FKTN: variants seen among roughly 807,000 people sequenced by gnomAD.
FKTN encodes fukutin.
A neutral mutation model predicts 58.6 loss-of-function variants in FKTN; 47 were observed. That is an observed-to-expected ratio of 0.80 (90% CI 0.63 to 1.02). The LOEUF (loss-of-function observed/expected upper bound fraction) is 1.02. FKTN is among the 50% of genes least tolerant of loss of function. The pLI, the probability that FKTN is intolerant of heterozygous loss-of-function variation, is 0.00. For synonymous variants in FKTN, 178 were observed against 191.9 expected, an observed-to-expected ratio of 0.93 and a Z score of 0.60; for missense variants, 516 against 537.3, an observed-to-expected ratio of 0.96 and a Z score of 0.39.
intron 3 of FKTN, among the ~76,000 whole-genome samples, chr9:105,587,912 CTG>C (rs1360036285): frequency 2.0e-5 from 3 of 152,098 alleles, no homozygotes; most frequent in African/African-American, 7.2e-5. Context: ...AAGAGAAACA[CTG>C]AGAGGCAGAA....
intron 3 of FKTN, among the ~76,000 whole-genome samples, chr9:105,576,416 T>G (rs1490716553): frequency 6.6e-6 from 1 of 151,606 alleles, no homozygotes; most frequent in Non-Finnish European, 1.5e-5. Context: ...GAATATGCGG[T>G]GTTTGGTTTT....
chr9:105,594,025 A>T (rs977221259), intron 3 of FKTN, among the ~76,000 whole-genome samples: 2 of 152,164 alleles, frequency 1.3e-5, no homozygotes, highest in African/African-American at 4.8e-5. Context: ...TGTTTTAATT[A>T]TTAGTGTTTT....
intron 3 of FKTN, among the ~76,000 whole-genome samples, chr9:105,585,799 G>C (rs1053431583): frequency 7.2e-5 from 11 of 152,198 alleles, no homozygotes; most frequent in African/African-American, 2.4e-4. Flanking sequence ...TTAAATGTTT[G>C]ATTTGGTAGC....
chr9:105,592,892 A>G (rs1323960390), intron 3 of FKTN, among the ~76,000 whole-genome samples: 2 of 152,160 alleles, frequency 1.3e-5, no homozygotes, highest in Non-Finnish European at 2.9e-5. Flanking sequence ...GGAAGTTTCA[A>G]ATTTTCCCTC....
chr9:105,639,813 G>T lies in FKTN; in HGVS notation c.*4549G>T. 8.1e-7 allele frequency: 1 copy of T among 1,230,600 alleles called. No individual in the cohort carries two copies. The highest frequency in any genetic ancestry group is 1.0e-6 in the Non-Finnish European group (1 of 983,926). 76.2% of individuals were successfully genotyped at this position (1,230,600 alleles called of 1,614,324 possible). A position where few individuals can be genotyped will look rare whatever the true frequency, so the allele number is the denominator to read the frequency against. On this transcript the variant is annotated 3_prime_UTR_variant, in exon 11 of 11. Transcript: ENST00000357998. ...GTTGTCTCCTAATATTATCCCATATGCTACCTAGTTTGCTGGTCCCAAGCA... is the reference window on the plus strand; with the variant it reads ...GTTGTCTCCTAATATTATCCCATATTCTACCTAGTTTGCTGGTCCCAAGCA...
Position 105,617,927 on chromosome 9 carries a change from A to G in FKTN, c.911-32A>G, listed in dbSNP as rs554856279. On this transcript the variant is annotated intron_variant, in intron 8 of 10. Transcript: ENST00000357998. Reference sequence around the variant, plus strand: ...AATAACTAATTTTTTCCAAACCTAAATTTTGTTAAAAAAATTTAATCTTCT... The same window carrying G: ...AATAACTAATTTTTTCCAAACCTAAGTTTTGTTAAAAAAATTTAATCTTCT... 1.7e-5 allele frequency: 24 copies of G among 1,440,402 alleles called. 1 individual carries two copies. The African/African-American group carries it at 1.9e-4, about 11-fold the overall frequency. 89.2% of individuals were successfully genotyped at this position (1,440,402 alleles called of 1,614,324 possible). A position where few individuals can be genotyped will look rare whatever the true frequency, so the allele number is the denominator to read the frequency against.
At chr9:105,622,446 T>A (rs1832127091) in intron 10 of FKTN, among the ~76,000 whole-genome samples, 1 of 151,650 alleles carries the variant, frequency 6.6e-6, no homozygotes, top group South Asian at 2.1e-4. Flanking sequence ...ATATTAAGAG[T>A]AATAAAAAAG....
intron 3 of FKTN, among the ~76,000 whole-genome samples, chr9:105,592,943 G>C (rs1012479904): frequency 3.9e-5 from 6 of 152,056 alleles, no homozygotes; most frequent in African/African-American, 1.4e-4. Context: ...CTTTCCCTTT[G>C]CCTATTACCC....
chr9:105,587,998 A>C (rs1844205051), intron 3 of FKTN, among the ~76,000 whole-genome samples: 1 of 152,204 alleles, frequency 6.6e-6, no homozygotes, highest in Non-Finnish European at 1.5e-5. Context: ...CAAGCTTATA[A>C]GCAATTGAAA....
Position 105,604,459 on chromosome 9 carries a change from T to C in FKTN, c.614T>C (p.Leu205Ser). 1 of 1,614,168 alleles carries C rather than the reference T, an allele frequency of 6.2e-7. No individual in the cohort carries two copies. Among genetic ancestry groups the C allele is most frequent in the Non-Finnish European group, 8.5e-7 (1 of 1,179,976 alleles). ...IDRKFVPFRK[L>S]QFGRYPGAFD... The stretch of plus-strand genomic sequence containing the variant: ...AGGAAATTTGTTCCCTTCCGAAAGT[T>C]ACAGTTTGGTCGTTATCCAGGAGCT... The change falls in exon 6 of 11, where the codon TTA becomes TCA. Residue 205 changes from leucine to serine, a missense_variant. Physicochemically the swap from Leu to Ser is moderately radical, Grantham distance 145 (BLOSUM62 -2). Coordinates refer to ENST00000357998, the MANE Select transcript of FKTN (RefSeq NM_001079802.2).
intron 5 of FKTN, among the ~76,000 whole-genome samples, chr9:105,602,821 A>G (rs1366215868): frequency 6.6e-6 from 1 of 152,144 alleles, no homozygotes; most frequent in Non-Finnish European, 1.5e-5. Context: ...CAGCCTCCCA[A>G]AAGTTTCTCC....
chr9:105,559,860 A>G (rs907021850), intron 1 of FKTN, among the ~76,000 whole-genome samples: 1 of 152,168 alleles, frequency 6.6e-6, no homozygotes, highest in African/African-American at 2.4e-5. Context: ...TTGTAGAGAG[A>G]GTAACTATAG....
Position 105,635,566 on chromosome 9 carries a change from TGA to T in FKTN, c.*303_*304del. On this transcript the variant is annotated 3_prime_UTR_variant, in exon 11 of 11. Transcript: ENST00000357998. ...TTTGAGGGAACCCTCCCCCACCCTT[TGA>T]AGAGTTCAAGTTCTGTACAGGTTTT... The T allele has an allele frequency of 1.6e-6, 2 of 1,264,386 alleles. No homozygotes were observed. Among genetic ancestry groups the T allele is most frequent in the Non-Finnish European group, 2.0e-6 (2 of 995,258 alleles). The allele number at this position is 1,264,386 out of a possible 1,614,324, so 78.3% of individuals were successfully genotyped here.
chr9:105,607,278 A>T (rs1829067719), intron 6 of FKTN, among the ~76,000 whole-genome samples: 1 of 152,100 alleles, frequency 6.6e-6, no homozygotes, highest in African/African-American at 2.4e-5. Context: ...ATTGTAATTA[A>T]CTTGTGTGTC....
intron 1 of FKTN, among the ~76,000 whole-genome samples, chr9:105,568,281 A>T (rs1840067714): frequency 6.6e-6 from 1 of 152,210 alleles, no homozygotes; most frequent in South Asian, 2.1e-4. Flanking sequence ...CAAAAGACAA[A>T]ATTGACAAAA....
intron 3 of FKTN, among the ~76,000 whole-genome samples, chr9:105,595,893 C>G (rs922322800): frequency 6.6e-6 from 1 of 152,168 alleles, no homozygotes; most frequent in South Asian, 2.1e-4. Flanking sequence ...ATCTTCATTA[C>G]GCTTGAAACA....
rs145366126 is a variant in FKTN, at chr9:105,611,704, C to T, written c.781-3574C>T. 5.9e-3 allele frequency among the ~76,000 whole-genome samples: 895 copies of T among 152,210 alleles called. 12 individuals carry two copies. The highest frequency in any genetic ancestry group is 0.044 in the South Asian group (211 of 4,810). Reference sequence around the variant, plus strand: ...TTCTTTTTTATGGCTGCATAGTATTCCATGGTGTATATATACTACATTTTA... The same window carrying T: ...TTCTTTTTTATGGCTGCATAGTATTTCATGGTGTATATATACTACATTTTA... On this transcript the variant is annotated intron_variant, in intron 7 of 10. Coordinates refer to ENST00000357998, the MANE Select transcript of FKTN (RefSeq NM_001079802.2).
chr9:105,568,861 T>C (rs1840196051), intron 1 of FKTN, among the ~76,000 whole-genome samples: 1 of 152,166 alleles, frequency 6.6e-6, no homozygotes, highest in South Asian at 2.1e-4. Flanking sequence ...GTGGCACTAT[T>C]CACAATAGCA....
chr9:105,601,393 A>C (rs1028989334), intron 5 of FKTN, 45 bp downstream of exon 5: 1 of 1,328,712 alleles, frequency 7.5e-7, no homozygotes, highest in South Asian at 1.2e-5. Context: ...TCTTTTTACA[A>C]AATAGTATAG....
Sources: gnomAD v4.1 joint callset for allele counts (sites outside exome capture counted in the v4.1 genomes callset) on GRCh38, gnomAD v4.1.1 for gene constraint, MANE v1.5 for transcripts, NCBI Gene and HGNC (gene_info 2026-07-23, HGNC 2026-07-21) for gene names.